Variants in PTP4A1 observed in about 807,000 individuals in gnomAD.
PTP4A1 encodes protein tyrosine phosphatase 4A1.
Under a neutral mutation model 20.5 loss-of-function variants are expected in PTP4A1, and 9 were observed. The observed-to-expected ratio is 0.44, with a 90% CI of 0.26 to 0.77. The LOEUF (loss-of-function observed/expected upper bound fraction) is 0.77, where lower values mean the gene tolerates loss of function less well. Among genes scored for constraint, PTP4A1 ranks in the 30% least tolerant of loss-of-function variants. The probability of loss-of-function intolerance (pLI) is 0.19; values close to 1 mark genes in which losing one functional copy is unlikely to be tolerated. For synonymous variants in PTP4A1, 78 were observed against 67.4 expected, an observed-to-expected ratio of 1.16 and a Z score of -0.77; for missense variants, 137 against 218.8, an observed-to-expected ratio of 0.63 and a Z score of 2.36.
chr6:63,545,838 A>G (rs76036151), intron 2 of PTP4A1, among the ~76,000 whole-genome samples: 2 of 152,188 alleles, frequency 1.3e-5, no homozygotes, highest in Non-Finnish European at 2.9e-5. Context: ...GTCTCTAGCA[A>G]TGAGAAACCT....
chr6:63,516,656 G>A, the PTP4A1 span, among the ~76,000 whole-genome samples: 48 of 152,168 alleles, frequency 3.2e-4, no homozygotes, highest in African/African-American at 1.1e-3. Flanking sequence ...CAGAATCTTA[G>A]TTCTTAGCAG....
At chr6:63,546,859 T>C (rs1411911938) in intron 2 of PTP4A1, among the ~76,000 whole-genome samples, 6 of 152,234 alleles carry the variant, frequency 3.9e-5, no homozygotes, top group Non-Finnish European at 7.3e-5. Flanking sequence ...CAAAAAAATA[T>C]GTAAAGTGAT....
chr6:63,528,545 T>C (rs1581909910), intron 2 of PTP4A1, among the ~76,000 whole-genome samples: 2 of 151,570 alleles, frequency 1.3e-5, no homozygotes, highest in South Asian at 4.2e-4. Flanking sequence ...GGCAACATGG[T>C]GAAACCTCAT....
chr6:63,554,331 G>C (rs1179584918), intron 3 of PTP4A1, among the ~76,000 whole-genome samples: 1 of 152,186 alleles, frequency 6.6e-6, no homozygotes, highest in African/African-American at 2.4e-5. Flanking sequence ...AATACTGGGA[G>C]TATCTTGTCC....
At position 63,581,601 on chromosome 6, in the gene PTP4A1, G is replaced by A. The variant is rs1430187352; in HGVS notation, c.*1427G>A. The A allele has an allele frequency of 6.6e-6, 1 of 152,082 alleles. No homozygotes were observed. Among genetic ancestry groups the A allele is most frequent in the Non-Finnish European group, 1.5e-5 (1 of 67,982 alleles). The allele number at this position is 152,082 out of a possible 1,614,324, so 9.4% of individuals were successfully genotyped here. ...TTTAGTAAACTTTTAGACAAAATTT[G>A]TTAGGGTCATTCATGAAAACTTTAA... On this transcript the variant is annotated 3_prime_UTR_variant, in exon 6 of 6. Transcript: ENST00000626021.
At chr6:63,573,594 C>G (rs1777641145) in intron 1 of PTP4A1, 1 of 152,338 alleles carries the variant, frequency 6.6e-6, no homozygotes, top group South Asian at 2.1e-4. Flanking sequence ...CCTGCCCGGG[C>G]CAGAGTGGGG....
chr6:63,557,076 G>A (rs1342381974), intron 3 of PTP4A1, among the ~76,000 whole-genome samples: 1 of 152,190 alleles, frequency 6.6e-6, no homozygotes, highest in Non-Finnish European at 1.5e-5. Context: ...CAAGTACTGT[G>A]TTAAGCACAG....
rs753885501 is a variant in PTP4A1, at chr6:63,578,415, T to C, written c.106-22T>C. 3.1e-6 allele frequency: 5 copies of C among 1,596,702 alleles called. No homozygotes were observed. The East Asian group carries it at 1.1e-4, about 36-fold the overall frequency. ...GTGATGTGGTTAAACATTAAGATTTTTTTAATGTACGTTTTATCCAGGAAC... is the reference window on the plus strand; with the variant it reads ...GTGATGTGGTTAAACATTAAGATTTCTTTAATGTACGTTTTATCCAGGAAC... On this transcript the variant is annotated intron_variant, in intron 2 of 5. Transcript: ENST00000626021.
chr6:63,578,091 T>G (rs902651734), intron 2 of PTP4A1, among the ~76,000 whole-genome samples: 6 of 152,142 alleles, frequency 3.9e-5, no homozygotes, highest in Non-Finnish European at 8.8e-5. Flanking sequence ...TTGTCTGCAT[T>G]GCTGCTAGCC....
exon 2 of PTP4A1, chr6:63,527,827 T>A (rs993304996): frequency 1.6e-4 from 24 of 152,268 alleles, no homozygotes; most frequent in Middle Eastern, 3.4e-3. Flanking sequence ...AGAGACTTGC[T>A]TCAACACCAG....
At position 63,572,482 on chromosome 6, in the gene PTP4A1, C is replaced by T. The variant is rs914801756; in HGVS notation, c.-683C>T. The stretch of plus-strand genomic sequence containing the variant: ...GGGAGGGCTTGTGACGCAAGGGCGC[C>T]TCGGCGCGTGTATTGGCTCCTTCGG... On this transcript the variant is annotated 5_prime_UTR_variant, in exon 1 of 6. Transcript: ENST00000626021. The T allele has an allele frequency of 3.1e-5, 12 of 389,244 alleles. No homozygotes were observed. The highest frequency in any genetic ancestry group is 4.1e-5 in the Non-Finnish European group (9 of 220,062). 24.1% of individuals were successfully genotyped at this position (389,244 alleles called of 1,614,324 possible).
intron 3 of PTP4A1, among the ~76,000 whole-genome samples, chr6:63,565,062 G>C (rs1331089396): frequency 1.3e-5 from 2 of 152,094 alleles, no homozygotes; most frequent in East Asian, 3.9e-4. Flanking sequence ...CCCAGATGGA[G>C]TGCAGTGGCA....
intron 3 of PTP4A1, among the ~76,000 whole-genome samples, chr6:63,565,565 T>C: frequency 6.6e-6 from 1 of 152,242 alleles, no homozygotes; most frequent in African/African-American, 2.4e-5. Flanking sequence ...ATTCATTTAT[T>C]AATATAAATA....
At chr6:63,552,316 G>A (rs1180179922) in intron 3 of PTP4A1, among the ~76,000 whole-genome samples, 1 of 152,006 alleles carries the variant, frequency 6.6e-6, no homozygotes, top group Non-Finnish European at 1.5e-5. Context: ...TGTTTTTTTG[G>A]CTGCATAAAT....
At chr6:63,564,891 A>G (rs1424076899) in intron 3 of PTP4A1, among the ~76,000 whole-genome samples, 1 of 152,232 alleles carries the variant, frequency 6.6e-6, no homozygotes, top group Non-Finnish European at 1.5e-5. Flanking sequence ...AGTAGGCAAA[A>G]CAGTCATGAG....
rs756070386 is a variant in PTP4A1, at chr6:63,580,108, T to C, written c.456T>C (p.Tyr152=). Residue 152 remains tyrosine (Y), a synonymous_variant, in exon 6 of 6, where the codon TAT becomes TAC. Transcript: ENST00000626021. The stretch of plus-strand genomic sequence containing the variant: ...AGCAACTTCTGTATTTGGAGAAGTA[T>C]CGTCCTAAAATGCGGCTGCGTTTCA... ...NSKQLLYLEK[Y]RPKMRLRFKD... is the part of the protein sequence containing the mutation. The C allele has an allele frequency of 1.9e-6, 3 of 1,613,660 alleles. No homozygotes were observed. The South Asian group carries it at 3.3e-5, about 18-fold the overall frequency.
intron 3 of PTP4A1, among the ~76,000 whole-genome samples, chr6:63,559,776 C>A (rs1030686637): frequency 6.6e-6 from 1 of 151,986 alleles, no homozygotes; most frequent in African/African-American, 2.4e-5. Flanking sequence ...ATTTCACAGC[C>A]AGGCATGGTC....
intron 2 of PTP4A1, among the ~76,000 whole-genome samples, chr6:63,548,149 T>C (rs1194931286): frequency 6.6e-6 from 1 of 152,212 alleles, no homozygotes; most frequent in Non-Finnish European, 1.5e-5. Context: ...CTCAGTTAGA[T>C]GACCCTCTCT....
intron 2 of PTP4A1, among the ~76,000 whole-genome samples, chr6:63,548,414 T>C (rs189371281): frequency 4.6e-5 from 7 of 152,334 alleles, no homozygotes; most frequent in Admixed American, 2.0e-4. Context: ...CACTTTAAAC[T>C]GTTTGCTACT....
Sources: allele counts gnomAD v4.1 joint callset (sites outside exome capture counted in the v4.1 genomes callset), GRCh38; gene constraint gnomAD v4.1.1; transcripts MANE v1.5; gene names NCBI Gene and HGNC (gene_info 2026-07-23, HGNC 2026-07-21).